SMIM36: variants seen among roughly 807,000 people sequenced by gnomAD.
The protein encoded by SMIM36 is small integral membrane protein 36.
At chr17:55,516,094 A>G (rs771524977), upstream of SMIM36, among the ~76,000 whole-genome samples, 5 of 152,262 alleles carry the variant, frequency 3.3e-5, no homozygotes, top group African/African-American at 7.2e-5. Flanking sequence ...TCAGTTTAAA[A>G]TAGCACTTGG....
chr17:55,508,431 AATAT>A (rs55879501), intron 1 of SMIM36, among the ~76,000 whole-genome samples: 20,979 of 113,188 alleles, frequency 0.19, 2,289 homozygotes, highest in Admixed American at 0.24. Flanking sequence ...TATTCCTAGG[AATAT>A]ATATATATAT....
At chr17:55,507,537 A>G (rs866771632) in intron 1 of SMIM36, among the ~76,000 whole-genome samples, 1,490 of 108,422 alleles carry the variant, frequency 0.014, 34 homozygotes, top group African/African-American at 0.052. Flanking sequence ...ATGAGATCAC[A>G]TGGACACAGG....
At chr17:55,515,988 G>A (rs996363228), upstream of SMIM36, among the ~76,000 whole-genome samples, 1 of 152,120 alleles carries the variant, frequency 6.6e-6, no homozygotes, top group Non-Finnish European at 1.5e-5. Context: ...CTTGGTTCCT[G>A]GCTCTTTCTT....
intron 3 of SMIM36, chr17:55,477,018 A>T (rs1909437435): frequency 6.6e-6 from 1 of 152,176 alleles, no homozygotes; most frequent in South Asian, 2.1e-4. Flanking sequence ...CTGCCACAAC[A>T]AAGTACCAAA....
intron 1 of SMIM36, among the ~76,000 whole-genome samples, chr17:55,507,749 AAAG>A (rs1910103297): frequency 6.6e-6 from 1 of 151,860 alleles, no homozygotes; most frequent in Non-Finnish European, 1.5e-5. Flanking sequence ...AAAGAAAAAA[AAAG>A]AATGGTAAAA....
At chr17:55,515,084 GTGTTTTTTTTT>G (rs1358749115), upstream of SMIM36, among the ~76,000 whole-genome samples, 873 of 56,144 alleles carry the variant, frequency 0.016, 40 homozygotes, top group African/African-American at 0.027. Flanking sequence ...TTCTAGTCTA[GTGTTTTTTTTT>G]TTTTTTTTTT....
At chr17:55,508,928 C>CAAAAAAAA (rs35834283) in intron 1 of SMIM36, among the ~76,000 whole-genome samples, 3 of 97,042 alleles carry the variant, frequency 3.1e-5, no homozygotes, top group African/African-American at 3.8e-5. Context: ...TGTCTCAGAA[C>CAAAAAAAA]AAAAAAAAAA....
intron 1 of SMIM36, among the ~76,000 whole-genome samples, chr17:55,485,205 A>T (rs1175621426): frequency 6.6e-6 from 1 of 152,190 alleles, no homozygotes; most frequent in Non-Finnish European, 1.5e-5. Context: ...TTTTATGGAG[A>T]CTGTCTACCA....
At chr17:55,472,595 G>A (rs775382922) in intron 3 of SMIM36, among the ~76,000 whole-genome samples, 6 of 152,164 alleles carry the variant, frequency 3.9e-5, no homozygotes, top group African/African-American at 4.8e-5. Context: ...TATGCTGGCC[G>A]GGCTTGGTGG....
In SMIM36 at chr17:55,485,535, C is replaced by A. The variant is rs1003838604; in HGVS notation, c.*175-5955G>T. Reference sequence around the variant, plus strand: ...AACTCCTGGGTTTAATTGTTCCCCCCACCTCGGCCTCTCAAAATGCTGGGA... The same window carrying A: ...AACTCCTGGGTTTAATTGTTCCCCCAACCTCGGCCTCTCAAAATGCTGGGA... On this transcript the variant is annotated intron_variant, in intron 1 of 4. Coordinates refer to ENST00000636752, the Ensembl canonical transcript of SMIM36. Among the ~76,000 whole-genome samples the A allele has an allele frequency of 2.0e-5, 3 of 151,978 alleles. No individual in the cohort carries two copies. In the East Asian group the frequency reaches 5.8e-4, roughly 29 times the overall value.
At chr17:55,467,538 A>C (rs1909261603) in intron 3 of SMIM36, among the ~76,000 whole-genome samples, 1 of 151,976 alleles carries the variant, frequency 6.6e-6, no homozygotes, top group Non-Finnish European at 1.5e-5. Flanking sequence ...CTGGGACTAC[A>C]GGCGCCGGCC....
At chr17:55,500,165 G>C (rs571093902) in intron 1 of SMIM36, among the ~76,000 whole-genome samples, 27 of 151,946 alleles carry the variant, frequency 1.8e-4, no homozygotes, top group Non-Finnish European at 3.8e-4. Flanking sequence ...CTGTTACCCA[G>C]GCTGGAGGGT....
At chr17:55,487,241 T>G (rs945570330) in intron 1 of SMIM36, among the ~76,000 whole-genome samples, 1 of 152,032 alleles carries the variant, frequency 6.6e-6, no homozygotes, top group Non-Finnish European at 1.5e-5. Flanking sequence ...TTAGGAGAAA[T>G]ACCTAATGTA....
At chr17:55,483,827 T>C (rs1433195784) in intron 1 of SMIM36, among the ~76,000 whole-genome samples, 1 of 152,150 alleles carries the variant, frequency 6.6e-6, no homozygotes, top group African/African-American at 2.4e-5. Context: ...TTTCACCACA[T>C]TGGCCAGGCT....
At chr17:55,501,719 G>A (rs1293101238) in intron 1 of SMIM36, among the ~76,000 whole-genome samples, 6 of 150,418 alleles carry the variant, frequency 4.0e-5, no homozygotes, top group South Asian at 2.1e-4. Context: ...ATACATTCGG[G>A]GAGGAGCCAA....
chr17:55,507,709 C>T (rs1910101101), intron 1 of SMIM36, among the ~76,000 whole-genome samples: 1 of 148,118 alleles, frequency 6.8e-6, no homozygotes, highest in African/African-American at 2.5e-5. Flanking sequence ...GCACATGTAC[C>T]CTAAAACTTA....
chr17:55,504,123 A>G (rs1167235030), intron 1 of SMIM36, among the ~76,000 whole-genome samples: 15 of 118,014 alleles, frequency 1.3e-4, no homozygotes, highest in African/African-American at 5.7e-4. Flanking sequence ...CACAATAATT[A>G]TGGGAGACTT....
chr17:55,524,849 G>T, the SMIM36 span, among the ~76,000 whole-genome samples: 2 of 152,142 alleles, frequency 1.3e-5, no homozygotes, highest in Non-Finnish European at 2.9e-5. Context: ...CTAAGAGGTG[G>T]GCTATCATTA....
chr17:55,503,979 G>A lies in SMIM36; in HGVS notation c.*174+6900C>T, dbSNP rs1910039511. On this transcript the variant is annotated intron_variant, in intron 1 of 4. Transcript: ENST00000636752. ...AACAAAGATCAAAAGAGACAAAGAA[G>A]GCCATTACATAATGGTAAAGGGATC... 3.1e-5 allele frequency among the ~76,000 whole-genome samples: 3 copies of A among 97,470 alleles called. No individual in the cohort carries two copies. In the South Asian group the frequency reaches 1.3e-3, roughly 43 times the overall value. The allele number at this position is 97,470 out of a possible 152,430, so 63.9% of individuals were successfully genotyped here.
Sources: gnomAD v4.1 joint callset for allele counts (sites outside exome capture counted in the v4.1 genomes callset) on GRCh38, gnomAD v4.1.1 for gene constraint, MANE v1.5 for transcripts, NCBI Gene and HGNC (gene_info 2026-07-23, HGNC 2026-07-21) for gene names.